RET: variants seen among roughly 807,000 people sequenced by gnomAD.
The protein encoded by RET is ret proto-oncogene, also known as proto-oncogene tyrosine-protein kinase receptor Ret.
In RET, 19 loss-of-function variants were observed where a neutral mutation model predicts 118.3. The observed-to-expected ratio is 0.16, with a 90% CI of 0.11 to 0.24. RET has a LOEUF of 0.24. RET is among the 10% of genes least tolerant of loss of function. The pLI, the probability that RET is intolerant of heterozygous loss-of-function variation, is 1.00. For synonymous variants in RET, 597 were observed against 644.1 expected (o/e 0.93, Z 1.11); for missense variants, 1,219 against 1,502.1 (o/e 0.81, Z 3.12).
intron 1 of RET, among the ~76,000 whole-genome samples, chr10:43,095,824 CT>C (rs1394768551): frequency 6.6e-6 from 1 of 152,232 alleles, no homozygotes; most frequent in Non-Finnish European, 1.5e-5. Flanking sequence ...CAACTTGGGT[CT>C]TTGGCAAGTG....
At chr10:43,082,112 G>A (rs58488264) in intron 1 of RET, among the ~76,000 whole-genome samples, 3,194 of 152,258 alleles carry the variant, frequency 0.021, 106 homozygotes, top group African/African-American at 0.072. Flanking sequence ...AAGCCTAGAG[G>A]CCATGAAGCC....
chr10:43,110,382 G>A lies in RET; in HGVS notation c.1264-825G>A, dbSNP rs541797832. ...GGGCTTTGTAGGGGAAAGTGAGGAG[G>A]CCCAGGAGGCTGGTTTTTGCTGTGG... On this transcript the variant is annotated intron_variant, in intron 6 of 19. Transcript: ENST00000355710. Among the ~76,000 whole-genome samples the A allele has an allele frequency of 5.3e-5, 8 of 152,298 alleles. No individual in the cohort carries two copies. The East Asian group carries it at 1.4e-3, about 26-fold the overall frequency.
intron 8 of RET, among the ~76,000 whole-genome samples, chr10:43,112,591 A>T (rs1167274155): frequency 6.6e-6 from 1 of 152,194 alleles, no homozygotes; most frequent in Admixed American, 6.5e-5. Context: ...GCCCACCACC[A>T]TGAGGGGCCC....
chr10:43,111,583 A>G, intron 7 of RET, 118 bp downstream of exon 7: 10 of 1,182,130 alleles, frequency 8.5e-6, no homozygotes, highest in Non-Finnish European at 1.2e-5. Flanking sequence ...TGGGGAAGGC[A>G]TGGACCAGCT....
rs146958674 is a variant in RET at position 43,111,960 on chromosome 10, C to T, written c.1523-139C>T. The T allele has an allele frequency of 2.2e-5, 27 of 1,247,816 alleles. No homozygotes were observed. In the East Asian group the frequency reaches 6.1e-4, roughly 28 times the overall value. The allele number at this position is 1,247,816 out of a possible 1,614,324, so 77.3% of individuals were successfully genotyped here. A position where few individuals can be genotyped will look rare whatever the true frequency, so the allele number is the denominator to read the frequency against. On this transcript the variant is annotated intron_variant, in intron 7 of 19. Transcript: ENST00000355710. ...CCCTGTGCTCCTGGCACTGTCTTTG[C>T]TGCCCTGGGTCTGTCACTCCGGTCC...
In RET at chr10:43,106,481, G is replaced by A. The variant is rs779719517; in HGVS notation, c.973G>A (p.Ala325Thr). The change falls in exon 5 of 20, where the codon GCC becomes ACC. Residue 325 changes from alanine (A) to threonine (T), a missense_variant. This residue lies in a region of RET where 850 missense variants were observed against 969.6 expected (regional missense o/e 0.88). Transcript: ENST00000355710. The surrounding 1 kb of genome is among the most constrained non-coding windows in gnomAD (Gnocchi z 5.1). The part of the protein sequence containing the change: ...TSTLLPGDTW[A>T]QQTFRVEHWP... ...CACGCTGCTCCCCGGGGACACCTGGGCCCAGCAGACCTTCCGGGTGGAACA... is the reference window on the plus strand; with the variant it reads ...CACGCTGCTCCCCGGGGACACCTGGACCCAGCAGACCTTCCGGGTGGAACA... The A allele has an allele frequency of 5.2e-5, 84 of 1,613,528 alleles. No individual in the cohort carries two copies. The highest frequency in any genetic ancestry group is 6.7e-5 in the Non-Finnish European group (79 of 1,179,824).
chr10:43,085,610 G>A (rs1837272263), intron 1 of RET, among the ~76,000 whole-genome samples: 3 of 152,170 alleles, frequency 2.0e-5, no homozygotes, highest in African/African-American at 4.8e-5. Context: ...GAGGACCTCG[G>A]CTGAGAGGAG....
At chr10:43,103,347 G>T (rs1837683802) in intron 3 of RET, among the ~76,000 whole-genome samples, 1 of 152,180 alleles carries the variant, frequency 6.6e-6, no homozygotes, top group African/African-American at 2.4e-5. Flanking sequence ...CAATCAGAAG[G>T]CTACAGGAGA....
At chr10:43,082,667 G>A (rs1837210292) in intron 1 of RET, among the ~76,000 whole-genome samples, 1 of 152,222 alleles carries the variant, frequency 6.6e-6, no homozygotes, top group Non-Finnish European at 1.5e-5. Context: ...GCACCTGAGG[G>A]GCAGTGTGGC....
intron 1 of RET, among the ~76,000 whole-genome samples, chr10:43,080,956 G>A (rs897949519): frequency 6.6e-6 from 1 of 152,216 alleles, no homozygotes. Flanking sequence ...CTGAAGACAA[G>A]GGTGCAGGGA....
rs375573788 is a variant in RET, at chr10:43,113,688, C to A, written c.1879+13C>A. ...GAAGACATCCAGGGTGAGTGGGTGG[C>A]GGCCGGGACCACCACCACCTCCCAG... On this transcript the variant is annotated intron_variant, in intron 10 of 19. Transcript: ENST00000355710. 6.2e-7 allele frequency: 1 copy of A among 1,612,332 alleles called. No homozygotes were observed. The highest frequency in any genetic ancestry group is 1.7e-5 in the Admixed American group (1 of 59,952).
chr10:43,103,450 G>A (rs1251277197), intron 3 of RET, among the ~76,000 whole-genome samples: 4 of 152,162 alleles, frequency 2.6e-5, no homozygotes, highest in Non-Finnish European at 5.9e-5. Flanking sequence ...CAGTCAGAGG[G>A]TGGGATGAGC....
intron 1 of RET, among the ~76,000 whole-genome samples, chr10:43,097,182 G>C (rs1837539320): frequency 6.6e-6 from 1 of 152,148 alleles, no homozygotes; most frequent in East Asian, 1.9e-4. Flanking sequence ...GCCCAGGCCT[G>C]TCCTACCTCT....
intron 1 of RET, among the ~76,000 whole-genome samples, chr10:43,089,257 C>T (rs1837360001): frequency 6.6e-6 from 1 of 152,242 alleles, no homozygotes; most frequent in Non-Finnish European, 1.5e-5. Flanking sequence ...GACGTCCCTG[C>T]CGGGGTCAGG....
intron 3 of RET, among the ~76,000 whole-genome samples, chr10:43,104,397 G>T (rs1837711176): frequency 6.6e-6 from 1 of 152,102 alleles, no homozygotes; most frequent in Non-Finnish European, 1.5e-5. Flanking sequence ...GGCGCCTGTA[G>T]TCCCAGCTAC....
chr10:43,116,114 C>T (rs1175515548), intron 11 of RET, among the ~76,000 whole-genome samples: 1 of 152,222 alleles, frequency 6.6e-6, no homozygotes, highest in Admixed American at 6.5e-5. Flanking sequence ...GGTGGTAGTG[C>T]CAGCAGGCAG....
intron 1 of RET, among the ~76,000 whole-genome samples, chr10:43,094,997 G>A (rs12251778): frequency 0.017 from 2,591 of 152,190 alleles, 77 homozygotes; most frequent in African/African-American, 0.06. Context: ...AACATCAGAG[G>A]CACTAAGCTG....
At chr10:43,097,610 T>C (rs1837548205) in intron 1 of RET, among the ~76,000 whole-genome samples, 1 of 152,148 alleles carries the variant, frequency 6.6e-6, no homozygotes, top group Admixed American at 6.5e-5. Flanking sequence ...TTACAATCTC[T>C]CACCCTCTGT....
chr10:43,103,875 G>C (rs1365072182), intron 3 of RET, among the ~76,000 whole-genome samples: 3 of 152,234 alleles, frequency 2.0e-5, no homozygotes, highest in African/African-American at 7.2e-5. Flanking sequence ...GAGGCTTGTG[G>C]AGTTGCCCCC....
Sources: allele counts gnomAD v4.1 joint callset (sites outside exome capture counted in the v4.1 genomes callset), GRCh38; gene constraint gnomAD v4.1.1; regional missense constraint gnomAD v4.1.1; non-coding constraint Gnocchi (gnomAD v3.1); transcripts MANE v1.5; gene names NCBI Gene and HGNC (gene_info 2026-07-23, HGNC 2026-07-21).